The following SAMM50 variants were observed in gnomAD, a reference collection of about 807,000 sequenced individuals.
SAMM50 encodes sorting and assembly machinery component 50 homolog.
Under a neutral mutation model 66.9 loss-of-function variants are expected in SAMM50, and 47 were observed. The observed-to-expected ratio is 0.70, with a 90% confidence interval of 0.56 to 0.90. SAMM50 has a LOEUF of 0.90. SAMM50 is among the 40% of genes least tolerant of loss of function. SAMM50 has a pLI of 0.00. For missense variants in SAMM50, 535 were observed against 595.3 expected (o/e 0.90, Z 1.05); for synonymous variants, 191 against 214.1 (o/e 0.89, Z 0.94).
At chr22:43,988,752 A>AT (rs2050307051) in intron 12 of SAMM50, 1 of 174,580 alleles carries the variant, frequency 5.7e-6, no homozygotes, top group Non-Finnish European at 1.2e-5. Context: ...AATGCATTTC[A>AT]TTTGCAGGTG....
intron 3 of SAMM50, among the ~76,000 whole-genome samples, chr22:43,968,226 C>CAAAAAAAAAAAAAAAAAAAAGAAAA (rs2050183677): frequency 1.5e-5 from 1 of 68,648 alleles, no homozygotes; most frequent in Non-Finnish European, 2.8e-5. Flanking sequence ...AACTCTGTCT[C>CAAAAAAAAAAAAAAAAAAAAGAAAA]AAAAAAAAAA....
chr22:43,977,896 G>C lies in SAMM50; in HGVS notation c.874G>C (p.Asp292His). 6.2e-7 allele frequency: 1 copy of C among 1,613,104 alleles called. No individual in the cohort carries two copies. The highest frequency in any genetic ancestry group is 8.5e-7 in the Non-Finnish European group (1 of 1,179,430). ...GGAACTGGCAGGCTACACTGGCGGG[G>C]ATGTGAGCTTCATCAAAGAAGATTT... ...NQELAGYTGG[D>H]VSFIKEDFEL... Residue 292 changes from aspartate to histidine, a missense_variant, in exon 10 of 15, where the codon GAT (aspartate) becomes CAT (histidine). Transcript: ENST00000350028.
chr22:43,979,028 C>T lies in SAMM50; in HGVS notation c.936+1070C>T, dbSNP rs117314588. Among the ~76,000 whole-genome samples the T allele has an allele frequency of 5.2e-3, 787 of 152,330 alleles. 4 individuals are homozygous for T. The highest frequency in any genetic ancestry group is 7.5e-3 in the Non-Finnish European group (508 of 68,024). ...GTCCGGCACGTGAGCCCATCCTGAT[C>T]CCTTCTGCAGCACTGGATGTTGTCG... On this transcript the variant is annotated intron_variant, in intron 10 of 14. Coordinates refer to ENST00000350028, the MANE Select transcript of SAMM50 (RefSeq NM_015380.5).
intron 2 of SAMM50, 151 bp downstream of exon 2, chr22:43,963,547 T>G (rs1298719169): frequency 4.3e-6 from 2 of 460,120 alleles, no homozygotes. Context: ...CTGATGACTC[T>G]TAGAAAAACA....
chr22:43,968,643 A>AGTC, intron 3 of SAMM50, 88 bp from the exon 4 acceptor site: 1 of 914,222 alleles, frequency 1.1e-6, no homozygotes, highest in Non-Finnish European at 1.8e-6. Context: ...ACCGAATGGT[A>AGTC]AACTACCAGC....
chr22:43,987,895 T>C (rs1468598834), intron 12 of SAMM50: 2 of 118,684 alleles, frequency 1.7e-5, no homozygotes, highest in Non-Finnish European at 3.3e-5. Context: ...GACTGGAAAC[T>C]GTGTATATAT....
At position 43,996,368 on chromosome 22, in the gene SAMM50, G is replaced by T; in HGVS notation, c.1395G>T (p.Gly465=). 1 of 1,614,196 alleles carries T rather than the reference G, an allele frequency of 6.2e-7. No individual in the cohort carries two copies. Residue 465 remains glycine (G), a synonymous_variant, in exon 15 of 15, where the codon GGG becomes GGT. Coordinates refer to ENST00000350028, the MANE Select transcript of SAMM50 (RefSeq NM_015380.5). ...GTGATGGCGTCCAGTTTGGAGCTGG[G>T]ATAAGGTTCCTGTAGCCGACACCCC... The part of the protein sequence containing the change: ...RICDGVQFGA[G]IRFL
At chr22:43,963,175 AG>A in intron 1 of SAMM50, 110 bp from the exon 2 acceptor site, 1 of 644,774 alleles carries the variant, frequency 1.6e-6, no homozygotes, top group Middle Eastern at 2.6e-4. Context: ...CTCTACTTGA[AG>A]GGAACAACTA....
intron 3 of SAMM50, among the ~76,000 whole-genome samples, chr22:43,967,497 G>T (rs1437665112): frequency 1.3e-5 from 2 of 152,210 alleles, no homozygotes; most frequent in Admixed American, 6.5e-5. Flanking sequence ...CAGTGGCAGT[G>T]TCCTCTGACC....
intron 10 of SAMM50, 30 bp downstream of exon 10, chr22:43,977,988 A>T: frequency 7.0e-7 from 1 of 1,420,642 alleles, no homozygotes; most frequent in Non-Finnish European, 9.9e-7. Flanking sequence ...TGGCACCTGC[A>T]CTGTCAGCCC....
rs554503416 is a variant in SAMM50 at position 43,982,072 on chromosome 22, G to A, written c.1007+611G>A. On this transcript the variant is annotated intron_variant, in intron 11 of 14. Coordinates refer to ENST00000350028, the MANE Select transcript of SAMM50 (RefSeq NM_015380.5). ...GGTATGAACTTGTACTTGTTGCTTCGAAATACTAATCATTGTCCTCTAGGG... is the reference window on the plus strand; with the variant it reads ...GGTATGAACTTGTACTTGTTGCTTCAAAATACTAATCATTGTCCTCTAGGG... Among the ~76,000 whole-genome samples the A allele has an allele frequency of 9.2e-5, 14 of 152,176 alleles. No individual in the cohort carries two copies. In the East Asian group the frequency reaches 1.9e-3, roughly 21 times the overall value.
chr22:43,968,228 AAAAAAAAAAAAAAAAAAAAGAAAAAAG>A (rs1354578938), intron 3 of SAMM50, among the ~76,000 whole-genome samples: 1 of 37,610 alleles, frequency 2.7e-5, no homozygotes, highest in African/African-American at 1.1e-4. Flanking sequence ...CTCTGTCTCA[AAAAAAAAAAAAAAAAAAAAGAAAAAAG>A]AAAAAAAGAA....
At position 43,966,743 on chromosome 22, in the gene SAMM50, G is replaced by A. The variant is rs144144339; in HGVS notation, c.235-1988G>A. The stretch of plus-strand genomic sequence containing the variant: ...ACAATTTTTAAATTCTTGCCATCTT[G>A]TTAGAAGAAAAATGCCATCTCATTG... On this transcript the variant is annotated intron_variant, in intron 3 of 14. Coordinates refer to ENST00000350028, the MANE Select transcript of SAMM50 (RefSeq NM_015380.5). Among the ~76,000 whole-genome samples, 330 of 151,838 alleles carry A rather than the reference G, an allele frequency of 2.2e-3. 4 individuals carry two copies. Among genetic ancestry groups the A allele is most frequent in the East Asian group, 0.019 (99 of 5,164 alleles).
intron 12 of SAMM50, chr22:43,986,239 TCC>T (rs2050292841): frequency 1.3e-5 from 2 of 149,904 alleles, no homozygotes; most frequent in African/African-American, 5.1e-5. Context: ...ACGGGGTTTC[TCC>T]ATGTTGGCCA....
At chr22:43,986,147 A>G (rs1363249283) in intron 12 of SAMM50, among the ~76,000 whole-genome samples, 24 of 148,578 alleles carry the variant, frequency 1.6e-4, no homozygotes, top group African/African-American at 5.8e-4. Flanking sequence ...GGTTCAAGTG[A>G]TTCTCCTGCC....
intron 7 of SAMM50, among the ~76,000 whole-genome samples, chr22:43,973,759 C>T (rs974897131): frequency 3.3e-5 from 5 of 152,156 alleles, no homozygotes; most frequent in African/African-American, 9.7e-5. Context: ...CCTCAGCCTC[C>T]GTCACCGTGC....
chr22:43,980,136 A>ATC (rs2050256358), intron 10 of SAMM50, among the ~76,000 whole-genome samples: 16 of 13,382 alleles, frequency 1.2e-3, no homozygotes, highest in African/African-American at 3.1e-3. Flanking sequence ...ACCCACCCAC[A>ATC]CATCCATCCA....
chr22:43,993,420 A>T (rs1454004683), intron 14 of SAMM50, among the ~76,000 whole-genome samples: 2 of 152,354 alleles, frequency 1.3e-5, no homozygotes, highest in Admixed American at 6.5e-5. Context: ...AATAATTTTC[A>T]TATGAAGTGG....
At chr22:43,963,645 C>G (rs1260390684) in intron 2 of SAMM50, among the ~76,000 whole-genome samples, 1 of 152,120 alleles carries the variant, frequency 6.6e-6, no homozygotes, top group Non-Finnish European at 1.5e-5. Flanking sequence ...TGACAAAAAC[C>G]AAAAATATAT....
Sources: allele counts gnomAD v4.1 joint callset (sites outside exome capture counted in the v4.1 genomes callset), GRCh38; gene constraint gnomAD v4.1.1; transcripts MANE v1.5; gene names NCBI Gene and HGNC (gene_info 2026-07-23, HGNC 2026-07-21).